Variants in ATP11A observed in about 807,000 individuals in gnomAD.
The protein encoded by ATP11A is ATPase phospholipid transporting 11A, also known as phospholipid-transporting ATPase IH.
A neutral mutation model predicts 154.4 loss-of-function variants in ATP11A; 81 were observed. That is an observed-to-expected ratio of 0.52 (90% CI 0.44 to 0.63). The LOEUF (loss-of-function observed/expected upper bound fraction) is 0.63. Among genes scored for constraint, ATP11A ranks in the 30% least tolerant of loss-of-function variants. The pLI is 0.00. For synonymous variants in ATP11A, 623 were observed against 585.9 expected (o/e 1.06, Z -0.91); for missense variants, 1,316 against 1,474.3 (o/e 0.89, Z 1.76).
intron 17 of ATP11A, among the ~76,000 whole-genome samples, chr13:112,845,039 C>T (rs1230696338): frequency 1.3e-5 from 2 of 148,164 alleles, no homozygotes; most frequent in African/African-American, 5.3e-5. Context: ...AGTTACCGGG[C>T]ACTAGCCATA....
intron 2 of ATP11A, among the ~76,000 whole-genome samples, chr13:112,788,971 G>A (rs12866513): frequency 5.3e-5 from 8 of 151,608 alleles, no homozygotes; most frequent in Non-Finnish European, 7.4e-5. Context: ...GCATCTTGAC[G>A]TGTAGACTCC....
chr13:112,708,737 C>T (rs1299330533), intron 1 of ATP11A, among the ~76,000 whole-genome samples: 7 of 152,210 alleles, frequency 4.6e-5, no homozygotes, highest in Admixed American at 4.6e-4. Context: ...ACGTGGGCTG[C>T]GTGTGGCCCT....
At chr13:112,824,268 C>A in intron 9 of ATP11A, 76 bp from the exon 10 acceptor site, 1 of 1,140,356 alleles carries the variant, frequency 8.8e-7, no homozygotes, top group Non-Finnish European at 1.3e-6. Context: ...TGATTTTCCC[C>A]GCAGCTGTGT....
chr13:112,771,150 C>G (rs1424522479), intron 1 of ATP11A, among the ~76,000 whole-genome samples: 3 of 152,220 alleles, frequency 2.0e-5, no homozygotes, highest in African/African-American at 7.2e-5. Context: ...TAACCCCATT[C>G]TAACCTGATG....
At chr13:112,834,522 C>A in intron 14 of ATP11A, 67 bp from the exon 15 acceptor site, 1 of 1,049,056 alleles carries the variant, frequency 9.5e-7, no homozygotes, top group Non-Finnish European at 1.5e-6. Context: ...AAATATAAAG[C>A]AAATACTCTA....
intron 1 of ATP11A, among the ~76,000 whole-genome samples, chr13:112,734,031 G>C (rs576568300): frequency 2.0e-4 from 30 of 152,296 alleles, no homozygotes; most frequent in African/African-American, 6.5e-4. Context: ...CCAGGCTTTT[G>C]TGTTACTTAG....
At chr13:112,880,084 A>G (rs1226991638) in intron 29 of ATP11A, among the ~76,000 whole-genome samples, 1 of 152,162 alleles carries the variant, frequency 6.6e-6, no homozygotes, top group Non-Finnish European at 1.5e-5. Flanking sequence ...TATTCCTTGA[A>G]TAAGGCTGGG....
intron 1 of ATP11A, among the ~76,000 whole-genome samples, chr13:112,777,245 T>A (rs2077371351): frequency 6.6e-6 from 1 of 152,092 alleles, no homozygotes; most frequent in Non-Finnish European, 1.5e-5. Flanking sequence ...AGTGGATCAA[T>A]CCCAAATGTC....
At chr13:112,864,965 A>G (rs371519029) in intron 25 of ATP11A, among the ~76,000 whole-genome samples, 1 of 136,180 alleles carries the variant, frequency 7.3e-6, no homozygotes, top group East Asian at 2.2e-4. Flanking sequence ...AGCAGGGTCC[A>G]TCACCACCTG....
intron 1 of ATP11A, among the ~76,000 whole-genome samples, chr13:112,728,416 C>A: frequency 6.8e-6 from 1 of 147,880 alleles, no homozygotes; most frequent in Non-Finnish European, 1.5e-5. Flanking sequence ...CCCTGTGTTA[C>A]CTGTATGTAC....
chr13:112,833,028 G>A lies in ATP11A; in HGVS notation c.1559+5G>A, dbSNP rs370288470. 5.7e-5 allele frequency: 91 copies of A among 1,609,128 alleles called. No homozygotes were observed. Among genetic ancestry groups the A allele is most frequent in the East Asian group, 3.8e-4 (17 of 44,786 alleles). Reference sequence around the variant, plus strand: ...GCTGGTCGAAGGTGTCCAGAGGTACGTCGCGGGCCAAGGGTCTGCCTGGGT... The same window carrying A: ...GCTGGTCGAAGGTGTCCAGAGGTACATCGCGGGCCAAGGGTCTGCCTGGGT... On this transcript the variant is annotated splice_donor_5th_base_variant and intron_variant, in intron 14 of 29. Transcript: ENST00000375645.
chr13:112,782,350 G>A (rs2077521309), intron 1 of ATP11A, among the ~76,000 whole-genome samples: 2 of 152,222 alleles, frequency 1.3e-5, no homozygotes, highest in Non-Finnish European at 2.9e-5. Context: ...GGCCACTCCT[G>A]AAATTCAGTT....
Position 112,785,760 on chromosome 13 carries a change from C to T in ATP11A, c.162+503C>T, listed in dbSNP as rs760724768. 6.6e-5 allele frequency among the ~76,000 whole-genome samples: 10 copies of T among 152,322 alleles called. No individual in the cohort carries two copies. Among genetic ancestry groups the T allele is most frequent in the Non-Finnish European group, 1.3e-4 (9 of 68,044 alleles). On this transcript the variant is annotated intron_variant, in intron 2 of 29. Coordinates refer to ENST00000375645, the MANE Select transcript of ATP11A (RefSeq NM_015205.3). This position sits in a 1 kb window ranked among gnomAD's most constrained non-coding sequence, Gnocchi z 4.8. Reference sequence around the variant, plus strand: ...AGCGTAGGAAGCACAAGCAGAGTGCCGCGGTCTAAACGAAGCGTGTTTCTC... The same window carrying T: ...AGCGTAGGAAGCACAAGCAGAGTGCTGCGGTCTAAACGAAGCGTGTTTCTC...
In ATP11A at chr13:112,723,980, C is replaced by T. The variant is rs559884542; in HGVS notation, c.39+33525C>T. On this transcript the variant is annotated intron_variant, in intron 1 of 29. Transcript: ENST00000375645. ...CCACTTAATGTACATACAAGCCTGT[C>T]GTGTGGCGCAGTTGATCTCAACTTT... Among the ~76,000 whole-genome samples the T allele has an allele frequency of 1.5e-3, 227 of 152,194 alleles. 2 individuals carry two copies. The highest frequency in any genetic ancestry group is 5.1e-3 in the African/African-American group (213 of 41,508).
chr13:112,710,964 GCCACCCACCCAC>G lies in ATP11A; in HGVS notation c.39+20519_39+20530del, dbSNP rs56146212. 1.2e-4 allele frequency among the ~76,000 whole-genome samples: 15 copies of G among 124,590 alleles called. 1 individual carries two copies. The East Asian group carries it at 1.9e-3, about 16-fold the overall frequency. The allele number at this position is 124,590 out of a possible 152,430, so 81.7% of individuals were successfully genotyped here. On this transcript the variant is annotated intron_variant, in intron 1 of 29. Coordinates refer to ENST00000375645, the MANE Select transcript of ATP11A (RefSeq NM_015205.3). ...GCAGGGCCCCTGCCAACCACCCGGAGCCACCCACCCACCCACCCACCGCTGTTTGAAGCAGGG... is the reference window on the plus strand; with the variant it reads ...GCAGGGCCCCTGCCAACCACCCGGAGCCACCCACCGCTGTTTGAAGCAGGG...
intron 1 of ATP11A, among the ~76,000 whole-genome samples, chr13:112,708,470 C>G (rs574933003): frequency 6.6e-6 from 1 of 152,040 alleles, no homozygotes; most frequent in Admixed American, 6.6e-5. Context: ...ATTTAAAAAC[C>G]GCAAGTATAG....
chr13:112,825,576 A>C lies in ATP11A; in HGVS notation c.1019A>C (p.Asn340Thr), dbSNP rs149616941. The change falls in exon 11 of 30, where the codon AAT becomes ACT. Residue 340 changes from asparagine (N) to threonine (T), a missense_variant. Coordinates refer to ENST00000375645, the MANE Select transcript of ATP11A (RefSeq NM_015205.3). ...NQKTESERQR[N>T]LFLKAFTDFL... is the part of the protein sequence containing the mutation. ...AAAACGGAGTCGGAAAGGCAGAGGA[A>C]TCTGGTATGGAGAATCACTGCCCTT... 5 of 1,612,322 alleles carry C rather than the reference A, an allele frequency of 3.1e-6. No individual in the cohort carries two copies. In the African/African-American group the frequency reaches 6.7e-5, roughly 22 times the overall value.
chr13:112,803,051 C>T (rs17696153), intron 2 of ATP11A, among the ~76,000 whole-genome samples: 10,349 of 152,134 alleles, frequency 0.068, 563 homozygotes, highest in Admixed American at 0.14. Flanking sequence ...AAAATATGGC[C>T]GTAGTTGTCA....
intron 18 of ATP11A, among the ~76,000 whole-genome samples, chr13:112,853,191 G>T (rs1459541530): frequency 1.3e-5 from 2 of 152,062 alleles, no homozygotes; most frequent in African/African-American, 2.4e-5. Context: ...CTGTACCCTA[G>T]CCTGGGCAAC....
Sources: gnomAD v4.1 joint callset for allele counts (sites outside exome capture counted in the v4.1 genomes callset) on GRCh38, gnomAD v4.1.1 for gene constraint, Gnocchi (gnomAD v3.1) non-coding constraint, MANE v1.5 for transcripts, NCBI Gene and HGNC (gene_info 2026-07-23, HGNC 2026-07-21) for gene names.